KCNIP4: variants seen among roughly 807,000 people sequenced by gnomAD.
KCNIP4 encodes the protein Kv channel-interacting protein 4.
In KCNIP4, 12 loss-of-function variants were observed where a neutral mutation model predicts 34.0. The ratio of observed to expected loss-of-function variants is 0.35; its 90% confidence interval spans 0.23 to 0.57. The LOEUF is 0.57. KCNIP4 is among the 20% of genes least tolerant of loss of function. The pLI is 0.83. For missense variants in KCNIP4, 238 were observed against 311.7 expected (o/e 0.76, Z 1.78); for synonymous variants, 124 against 102.2 (o/e 1.21, Z -1.29).
At chr4:21,733,080 G>A (rs181189810) in intron 1 of KCNIP4, among the ~76,000 whole-genome samples, 123 of 152,278 alleles carry the variant, frequency 8.1e-4, no homozygotes, top group Non-Finnish European at 1.6e-3. Context: ...TCAACGCTGA[G>A]CAAGAGTATA....
chr4:20,866,748 C>A (rs1258260502), intron 2 of KCNIP4, among the ~76,000 whole-genome samples: 2 of 151,916 alleles, frequency 1.3e-5, no homozygotes, highest in African/African-American at 4.8e-5. Flanking sequence ...TGACTCTATA[C>A]CTAGAAAATC....
intron 1 of KCNIP4, among the ~76,000 whole-genome samples, chr4:21,240,596 G>A (rs1759736763): frequency 6.6e-6 from 1 of 152,038 alleles, no homozygotes; most frequent in Admixed American, 6.6e-5. Context: ...TTCTCGTCCT[G>A]AGCTTTGAGT....
chr4:21,904,821 T>A (rs539276086), intron 1 of KCNIP4, among the ~76,000 whole-genome samples: 2 of 152,126 alleles, frequency 1.3e-5, no homozygotes, highest in African/African-American at 2.4e-5. Flanking sequence ...AGTAGCTCCA[T>A]CCCAAGTCAC....
At chr4:21,097,193 C>G (rs1055582148) in intron 1 of KCNIP4, among the ~76,000 whole-genome samples, 3 of 151,808 alleles carry the variant, frequency 2.0e-5, no homozygotes, top group Non-Finnish European at 4.4e-5. Flanking sequence ...GGAAACAGGC[C>G]AAATGTCCAT....
chr4:20,909,019 T>G (rs976151484), intron 1 of KCNIP4, among the ~76,000 whole-genome samples: 1 of 152,208 alleles, frequency 6.6e-6, no homozygotes, highest in Non-Finnish European at 1.5e-5. Context: ...TAGGGATTGG[T>G]CAAATTCATT....
Position 20,729,859 on chromosome 4 carries a change from T to C in KCNIP4, c.*223A>G. The stretch of plus-strand genomic sequence containing the variant: ...TTTTGAATATTCACAGAGTATGAAA[T>C]GAGTTAGACCATCCCCTGAACTCAG... On this transcript the variant is annotated 3_prime_UTR_variant, in exon 9 of 9. Transcript: ENST00000382152. 2.4e-6 allele frequency: 1 copy of C among 418,870 alleles called. No homozygotes were observed. Among genetic ancestry groups the C allele is most frequent in the Non-Finnish European group, 4.2e-6 (1 of 237,876 alleles). 25.9% of individuals were successfully genotyped at this position (418,870 alleles called of 1,614,324 possible).
chr4:21,519,343 TACAC>T (rs137872471), intron 1 of KCNIP4, among the ~76,000 whole-genome samples: 8,810 of 114,778 alleles, frequency 0.077, 670 homozygotes, highest in Admixed American at 0.19. Context: ...GAGAGAGAGA[TACAC>T]ACACACACAC....
At chr4:20,827,276 C>G (rs1272518664) in intron 3 of KCNIP4, among the ~76,000 whole-genome samples, 1 of 152,050 alleles carries the variant, frequency 6.6e-6, no homozygotes, top group Non-Finnish European at 1.5e-5. Flanking sequence ...GCTGAAACAC[C>G]AGGAATTTAT....
intron 1 of KCNIP4, among the ~76,000 whole-genome samples, chr4:21,894,755 G>GT (rs1367244595): frequency 3.3e-5 from 5 of 152,150 alleles, no homozygotes; most frequent in Admixed American, 2.0e-4. Flanking sequence ...ACAGAAGTTG[G>GT]TTTTTTTCCA....
intron 1 of KCNIP4, among the ~76,000 whole-genome samples, chr4:21,370,884 T>TACACAC (rs1360484906): frequency 1.6e-4 from 13 of 83,128 alleles, no homozygotes; most frequent in African/African-American, 5.8e-4. Flanking sequence ...CACACACACG[T>TACACAC]GTGTGTGTGT....
chr4:21,282,471 T>C (rs1762839173), intron 1 of KCNIP4, among the ~76,000 whole-genome samples: 3 of 150,990 alleles, frequency 2.0e-5, no homozygotes, highest in African/African-American at 7.4e-5. Flanking sequence ...TGTGTGTGTG[T>C]GTGTGTGTGT....
At chr4:21,172,744 A>T (rs1377925531) in intron 1 of KCNIP4, among the ~76,000 whole-genome samples, 1 of 152,138 alleles carries the variant, frequency 6.6e-6, no homozygotes, top group Non-Finnish European at 1.5e-5. Context: ...TCGGTGGCTT[A>T]TTGGCCTCAT....
rs188399028 is a variant in KCNIP4, at chr4:21,681,798, G to T, written c.61+266773C>A. ...AGGCCTCAGAAAGCTTCCACTCATGGCAGAAGGCAAAGGGAGCAGACACAT... is the reference window on the plus strand; with the variant it reads ...AGGCCTCAGAAAGCTTCCACTCATGTCAGAAGGCAAAGGGAGCAGACACAT... On this transcript the variant is annotated intron_variant, in intron 1 of 8. Transcript: ENST00000382152. 1.1e-4 allele frequency among the ~76,000 whole-genome samples: 16 copies of T among 152,248 alleles called. No individual in the cohort carries two copies. The East Asian group carries it at 2.1e-3, about 20-fold the overall frequency.
chr4:21,375,214 T>A (rs549547766), intron 1 of KCNIP4, among the ~76,000 whole-genome samples: 1 of 150,232 alleles, frequency 6.7e-6, no homozygotes, highest in South Asian at 2.1e-4. Context: ...TTCATTTACA[T>A]TCTGTCCAAC....
chr4:21,283,973 G>A (rs1165556432), intron 1 of KCNIP4, among the ~76,000 whole-genome samples: 1 of 152,000 alleles, frequency 6.6e-6, no homozygotes, highest in East Asian at 1.9e-4. Context: ...CAGTACTTTG[G>A]GAGGCCGAGG....
intron 1 of KCNIP4, chr4:21,464,811 T>A (rs1208739369): frequency 6.6e-6 from 1 of 152,120 alleles, no homozygotes; most frequent in Non-Finnish European, 1.5e-5. Flanking sequence ...CAGAAATACT[T>A]GACTAGTTGT....
intron 1 of KCNIP4, among the ~76,000 whole-genome samples, chr4:21,375,935 T>A (rs1720926288): frequency 6.6e-6 from 1 of 152,152 alleles, no homozygotes; most frequent in Admixed American, 6.5e-5. Context: ...AAGGTACCTT[T>A]CAAGGCAGAG....
chr4:21,029,602 A>G (rs531382832), intron 1 of KCNIP4, among the ~76,000 whole-genome samples: 2 of 152,316 alleles, frequency 1.3e-5, no homozygotes, highest in African/African-American at 4.8e-5. Flanking sequence ...AAAGTCCAAG[A>G]GTTGTCTATC....
chr4:21,220,862 A>G (rs190043378), intron 1 of KCNIP4, among the ~76,000 whole-genome samples: 2 of 152,278 alleles, frequency 1.3e-5, no homozygotes, highest in East Asian at 3.9e-4. Context: ...GTTTGATTTG[A>G]ATTTTTTAAA....
Sources: allele counts gnomAD v4.1 joint callset (sites outside exome capture counted in the v4.1 genomes callset), GRCh38; gene constraint gnomAD v4.1.1; transcripts MANE v1.5; gene names NCBI Gene and HGNC (gene_info 2026-07-23, HGNC 2026-07-21).